RNF121: variants seen among roughly 807,000 people sequenced by gnomAD.
The protein encoded by RNF121 is E3 ubiquitin ligase RNF121.
A neutral mutation model predicts 46.5 loss-of-function variants in RNF121; 21 were observed. The ratio of observed to expected loss-of-function variants is 0.45; its 90% CI spans 0.32 to 0.65. The LOEUF (loss-of-function observed/expected upper bound fraction) is 0.65. Among genes scored for constraint, RNF121 ranks in the 30% least tolerant of loss-of-function variants. The probability of loss-of-function intolerance (pLI) is 0.04; values close to 1 mark genes in which losing one functional copy is unlikely to be tolerated. For missense variants in RNF121, 346 were observed against 416.0 expected, an observed-to-expected ratio of 0.83 and a Z score of 1.46; for synonymous variants, 139 against 144.7, an observed-to-expected ratio of 0.96 and a Z score of 0.28.
intron 1 of RNF121, among the ~76,000 whole-genome samples, chr11:71,929,810 T>C (rs1443590128): frequency 6.6e-6 from 1 of 152,130 alleles, no homozygotes; most frequent in Non-Finnish European, 1.5e-5. Context: ...GCCCACAGTC[T>C]AGTGGTGGGA....
chr11:71,978,854 A>G (rs547538208), intron 3 of RNF121, among the ~76,000 whole-genome samples: 1 of 152,330 alleles, frequency 6.6e-6, no homozygotes, highest in South Asian at 2.1e-4. Context: ...CGATCTGCCT[A>G]AGTTAACGCA....
intron 1 of RNF121, among the ~76,000 whole-genome samples, chr11:71,956,892 A>T (rs1954002228): frequency 6.6e-6 from 1 of 152,204 alleles, no homozygotes; most frequent in Non-Finnish European, 1.5e-5. Context: ...TTTGTTCTAT[A>T]GCTAGTCTTT....
chr11:71,993,437 G>A (rs1229402299), intron 6 of RNF121, among the ~76,000 whole-genome samples: 1 of 150,476 alleles, frequency 6.6e-6, no homozygotes. Flanking sequence ...GCCTATTGTA[G>A]ATATTTCATG....
At position 71,978,862 on chromosome 11, in the gene RNF121, G is replaced by A. The variant is rs539776556; in HGVS notation, c.244-3899G>A. Among the ~76,000 whole-genome samples, 13 of 152,264 alleles carry A rather than the reference G, an allele frequency of 8.5e-5. 1 individual carries two copies. The South Asian group carries it at 2.3e-3, about 27-fold the overall frequency. On this transcript the variant is annotated intron_variant, in intron 3 of 8. Coordinates refer to ENST00000361756, the MANE Select transcript of RNF121 (RefSeq NM_018320.5). ...AGTTAAACGATCTGCCTAAGTTAAC[G>A]CAGTAATTAGCTGTATTGGGATTCA...
intron 4 of RNF121, 112 bp from the exon 5 acceptor site, chr11:71,986,892 G>A: frequency 1.4e-6 from 1 of 695,276 alleles, no homozygotes; most frequent in South Asian, 1.6e-5. Flanking sequence ...AGTAAGTCCT[G>A]AGCAAAGACC....
rs377191212 is a variant in RNF121 at position 71,990,693 on chromosome 11, A to G, written c.603A>G (p.Ala201=). ...VLERDFAEMC[A]DYMASTIGFY... ...AACGGGACTTTGCAGAAATGTGTGC[A>G]GACTACATGGCATCTACCATAGGGG... is the stretch of plus-strand genomic sequence containing the variant. The change falls in exon 6 of 9, where the codon GCA becomes GCG. Residue 201 remains alanine, a synonymous_variant. Coordinates refer to ENST00000361756, the MANE Select transcript of RNF121 (RefSeq NM_018320.5). The G allele has an allele frequency of 1.9e-6, 3 of 1,614,110 alleles. No individual in the cohort carries two copies. Among genetic ancestry groups the G allele is most frequent in the African/African-American group, 2.7e-5 (2 of 74,944 alleles).
At chr11:71,957,641 G>A (rs1455824524) in intron 2 of RNF121, among the ~76,000 whole-genome samples, 1 of 152,106 alleles carries the variant, frequency 6.6e-6, no homozygotes, top group Non-Finnish European at 1.5e-5. Flanking sequence ...AGAGTGCCTG[G>A]CATGTGGTAA....
At chr11:71,993,953 G>A (rs1376931102) in intron 6 of RNF121, among the ~76,000 whole-genome samples, 10 of 150,150 alleles carry the variant, frequency 6.7e-5, no homozygotes, top group Non-Finnish European at 2.9e-5. Context: ...CCATTCTCCT[G>A]CCTCAGCCTC....
intron 3 of RNF121, among the ~76,000 whole-genome samples, chr11:71,969,917 G>T (rs1051238270): frequency 4.6e-5 from 7 of 152,118 alleles, no homozygotes; most frequent in African/African-American, 1.7e-4. Context: ...CCAGATAATG[G>T]TAACCTTGTA....
intron 1 of RNF121, among the ~76,000 whole-genome samples, chr11:71,945,962 A>T (rs982707232): frequency 6.6e-6 from 1 of 152,000 alleles, no homozygotes; most frequent in Non-Finnish European, 1.5e-5. Context: ...AAAATAAAAA[A>T]TAGCCAGACA....
intron 2 of RNF121, among the ~76,000 whole-genome samples, chr11:71,958,487 G>A (rs1296286834): frequency 6.6e-6 from 1 of 152,124 alleles, no homozygotes; most frequent in Non-Finnish European, 1.5e-5. Context: ...TGTCAGAACT[G>A]TCTTTAATAG....
chr11:71,936,446 G>A (rs1157480178), intron 1 of RNF121, among the ~76,000 whole-genome samples: 1 of 151,870 alleles, frequency 6.6e-6, no homozygotes, highest in Non-Finnish European at 1.5e-5. Flanking sequence ...CTGGAGCGCA[G>A]TGGCACGATC....
chr11:71,954,500 A>G (rs1403549352), intron 1 of RNF121, among the ~76,000 whole-genome samples: 2 of 152,312 alleles, frequency 1.3e-5, no homozygotes, highest in East Asian at 3.9e-4. Context: ...GGCCTCTTCT[A>G]GTAGTTTTAA....
At chr11:71,959,931 C>A (rs910463916) in intron 2 of RNF121, among the ~76,000 whole-genome samples, 1 of 152,158 alleles carries the variant, frequency 6.6e-6, no homozygotes, top group South Asian at 2.1e-4. Context: ...CCACCGCGCC[C>A]GGCCTCTAAT....
intron 3 of RNF121, chr11:71,962,338 C>T (rs1473359066): frequency 2.1e-6 from 2 of 952,646 alleles, no homozygotes; most frequent in African/African-American, 1.8e-5. Context: ...GAACTTTTTC[C>T]TTAAGTGTGG....
At chr11:71,952,609 G>T (rs1953907896) in intron 1 of RNF121, among the ~76,000 whole-genome samples, 1 of 152,078 alleles carries the variant, frequency 6.6e-6, no homozygotes, top group Non-Finnish European at 1.5e-5. Flanking sequence ...AGAAGTTCGA[G>T]ACCAGCCTGG....
intron 6 of RNF121, among the ~76,000 whole-genome samples, chr11:71,991,979 C>T (rs552385978): frequency 6.6e-5 from 10 of 151,364 alleles, no homozygotes; most frequent in Admixed American, 4.6e-4. Context: ...CCTAGCCGGG[C>T]GTGGTGGCAC....
intron 3 of RNF121, among the ~76,000 whole-genome samples, chr11:71,971,423 T>C (rs893253798): frequency 2.6e-5 from 4 of 152,118 alleles, no homozygotes; most frequent in African/African-American, 9.7e-5. Flanking sequence ...AATAAAAATA[T>C]AAGCAAGTAA....
At chr11:71,942,579 A>G (rs998312991) in intron 1 of RNF121, among the ~76,000 whole-genome samples, 8 of 151,920 alleles carry the variant, frequency 5.3e-5, no homozygotes, top group African/African-American at 1.9e-4. Context: ...CCAGGCCAAC[A>G]TGGTGAAACC....
Sources: allele counts gnomAD v4.1 joint callset (sites outside exome capture counted in the v4.1 genomes callset), GRCh38; gene constraint gnomAD v4.1.1; transcripts MANE v1.5; gene names NCBI Gene and HGNC (gene_info 2026-07-23, HGNC 2026-07-21).